The following RSPO2 variants were observed in gnomAD, a reference collection of about 807,000 sequenced individuals.
RSPO2 encodes the protein R-spondin-2.
A neutral mutation model predicts 30.9 loss-of-function variants in RSPO2; 14 were observed. The ratio of observed to expected loss-of-function variants is 0.45; its 90% confidence interval spans 0.30 to 0.71. The LOEUF is 0.71. Among genes scored for constraint, RSPO2 ranks in the 30% least tolerant of loss-of-function variants. RSPO2 has a pLI of 0.08. For synonymous variants in RSPO2, 107 were observed against 96.4 expected, an observed-to-expected ratio of 1.11 and a Z score of -0.64; for missense variants, 264 against 301.9, an observed-to-expected ratio of 0.87 and a Z score of 0.93.
intron 5 of RSPO2, among the ~76,000 whole-genome samples, chr8:107,906,250 T>C (rs1480129664): frequency 6.6e-6 from 1 of 151,966 alleles, no homozygotes; most frequent in Non-Finnish European, 1.5e-5. Flanking sequence ...GAAAAAATTG[T>C]AATGTACTTA....
chr8:107,936,696 A>G (rs1479699949), intron 5 of RSPO2, among the ~76,000 whole-genome samples: 1 of 151,992 alleles, frequency 6.6e-6, no homozygotes, highest in Non-Finnish European at 1.5e-5. Context: ...TTATTTTTAC[A>G]TGTTTTTAAC....
intron 2 of RSPO2, among the ~76,000 whole-genome samples, chr8:108,032,023 T>TAGCTAC (rs1478893512): frequency 6.6e-6 from 1 of 152,180 alleles, no homozygotes; most frequent in Non-Finnish European, 1.5e-5. Flanking sequence ...GTACAGATTG[T>TAGCTAC]AGCTACAGCT....
At chr8:108,041,203 C>G (rs895896463) in intron 2 of RSPO2, among the ~76,000 whole-genome samples, 4 of 100,374 alleles carry the variant, frequency 4.0e-5, no homozygotes, top group Admixed American at 1.1e-4. Flanking sequence ...CAAAAAGTGG[C>G]AAAAAAAAAA....
At chr8:108,082,934 G>T (rs1170418071) in intron 1 of RSPO2, 127 bp from the exon 2 acceptor site, 4 of 373,512 alleles carry the variant, frequency 1.1e-5, no homozygotes, top group Non-Finnish European at 1.4e-5. Flanking sequence ...TGCCTAGCAC[G>T]AGCCGCGGAG....
intron 2 of RSPO2, among the ~76,000 whole-genome samples, chr8:108,048,306 T>A (rs1811969829): frequency 6.6e-6 from 1 of 151,830 alleles, no homozygotes; most frequent in African/African-American, 2.4e-5. Context: ...GGAGTGGAGC[T>A]AAGCTGTCAA....
Position 108,019,678 on chromosome 8 carries a change from G to A in RSPO2, c.95-30434C>T, listed in dbSNP as rs541303516. 3.3e-5 allele frequency among the ~76,000 whole-genome samples: 5 copies of A among 151,876 alleles called. No individual in the cohort carries two copies. The East Asian group carries it at 7.7e-4, about 24-fold the overall frequency. On this transcript the variant is annotated intron_variant, in intron 2 of 5. Transcript: ENST00000276659. ...CCTCCCTTCTCTTTTTATTTTTTTC[G>A]TTTGTTAACCTGTGTGACAAGAACA...
chr8:108,061,536 A>T (rs1336883018), intron 2 of RSPO2, among the ~76,000 whole-genome samples: 2 of 151,766 alleles, frequency 1.3e-5, no homozygotes, highest in East Asian at 1.9e-4. Flanking sequence ...TTCATAAAGC[A>T]AATCCTTAGA....
chr8:107,967,532 T>A (rs1436830136), intron 3 of RSPO2, among the ~76,000 whole-genome samples: 2 of 152,172 alleles, frequency 1.3e-5, no homozygotes, highest in East Asian at 3.9e-4. Flanking sequence ...TATTTCAACC[T>A]AAATAAAAGA....
At position 107,899,678 on chromosome 8, in the gene RSPO2, T is replaced by A. The variant is rs1295552865; in HGVS notation, c.*1397A>T. ...TTGTTTCAAAATCCACAACCATTAT[T>A]TTTCTGTTCTAATTTTCTCCTGGAT... is the stretch of plus-strand genomic sequence containing the variant. On this transcript the variant is annotated 3_prime_UTR_variant, in exon 6 of 6. Transcript: ENST00000276659. 2.0e-5 allele frequency: 3 copies of A among 152,550 alleles called. No homozygotes were observed. Among genetic ancestry groups the A allele is most frequent in the African/African-American group, 4.8e-5 (2 of 41,460 alleles). 9.4% of individuals were successfully genotyped at this position (152,550 alleles called of 1,614,324 possible). A position where few individuals can be genotyped will look rare whatever the true frequency, so the allele number is the denominator to read the frequency against.
At chr8:107,982,960 TATAA>T (rs1814500662) in intron 3 of RSPO2, among the ~76,000 whole-genome samples, 1 of 152,166 alleles carries the variant, frequency 6.6e-6, no homozygotes, top group African/African-American at 2.4e-5. Flanking sequence ...TTGTAATTAG[TATAA>T]ATAGTGTTGG....
chr8:107,931,963 G>A (rs1379796862), intron 5 of RSPO2, among the ~76,000 whole-genome samples: 3 of 152,074 alleles, frequency 2.0e-5, no homozygotes. Flanking sequence ...AAAATTTACA[G>A]TCAAGTGACT....
In RSPO2 at chr8:107,937,629, G is replaced by C. The variant is rs1470487024; in HGVS notation, c.616+20451C>G. On this transcript the variant is annotated intron_variant, in intron 5 of 5. Transcript: ENST00000276659. Reference sequence around the variant, plus strand: ...ATCATTTGAAGGAAAAAAAAAAAGAGCAACAGAAGAAGGTGGCCAGAAGTG... The same window carrying C: ...ATCATTTGAAGGAAAAAAAAAAAGACCAACAGAAGAAGGTGGCCAGAAGTG... Among the ~76,000 whole-genome samples, 10 of 132,320 alleles carry C rather than the reference G, an allele frequency of 7.6e-5. No individual in the cohort carries two copies. The Admixed American group carries it at 7.7e-4, about 10-fold the overall frequency. 86.8% of individuals were successfully genotyped at this position (132,320 alleles called of 152,430 possible). A position where few individuals can be genotyped will look rare whatever the true frequency, so the allele number is the denominator to read the frequency against.
intron 3 of RSPO2, among the ~76,000 whole-genome samples, chr8:107,961,647 A>C (rs928918882): frequency 6.6e-6 from 1 of 152,106 alleles, no homozygotes; most frequent in Admixed American, 6.6e-5. Context: ...CAGCTCTGTA[A>C]CTTTAGACAA....
intron 3 of RSPO2, among the ~76,000 whole-genome samples, chr8:107,984,553 G>T (rs1377156754): frequency 1.3e-5 from 2 of 152,258 alleles, no homozygotes; most frequent in East Asian, 3.9e-4. Flanking sequence ...TCCATTTTAT[G>T]AAGAAAGGAA....
intron 2 of RSPO2, among the ~76,000 whole-genome samples, chr8:108,065,924 G>A (rs1812651149): frequency 6.6e-6 from 1 of 152,160 alleles, no homozygotes; most frequent in Admixed American, 6.5e-5. Flanking sequence ...TGTAATCCCA[G>A]CTTCTTGGGA....
intron 2 of RSPO2, among the ~76,000 whole-genome samples, chr8:108,008,668 G>A (rs1221601955): frequency 6.6e-6 from 1 of 151,740 alleles, no homozygotes; most frequent in Non-Finnish European, 1.5e-5. Flanking sequence ...CATTTAAAAT[G>A]TACCCTAATT....
At chr8:107,947,399 G>C (rs1336535709) in intron 5 of RSPO2, among the ~76,000 whole-genome samples, 1 of 152,054 alleles carries the variant, frequency 6.6e-6, no homozygotes, top group African/African-American at 2.4e-5. Flanking sequence ...GTTCACTTAG[G>C]GTGAAAGCAA....
chr8:107,994,586 G>A (rs1300760333), intron 2 of RSPO2, among the ~76,000 whole-genome samples: 1 of 151,944 alleles, frequency 6.6e-6, no homozygotes, highest in Non-Finnish European at 1.5e-5. Context: ...ATGTAGAAAT[G>A]ATACAATCTG....
chr8:107,959,985 G>A (rs1813570629), intron 4 of RSPO2, among the ~76,000 whole-genome samples: 1 of 152,044 alleles, frequency 6.6e-6, no homozygotes. Flanking sequence ...AAATTCTGGG[G>A]AGGGGGCATG....
Sources: allele counts gnomAD v4.1 joint callset (sites outside exome capture counted in the v4.1 genomes callset), GRCh38; gene constraint gnomAD v4.1.1; transcripts MANE v1.5; gene names NCBI Gene and HGNC (gene_info 2026-07-23, HGNC 2026-07-21).